PRKCA: variants seen among roughly 807,000 people sequenced by gnomAD.
The protein encoded by PRKCA is protein kinase C alpha.
Under a neutral mutation model 87.0 loss-of-function variants are expected in PRKCA, and 27 were observed. The observed-to-expected ratio is 0.31, with a 90% CI of 0.23 to 0.43. The LOEUF (loss-of-function observed/expected upper bound fraction) is 0.43, where lower values mean the gene tolerates loss of function less well. PRKCA is among the 20% of genes least tolerant of loss of function. The probability of loss-of-function intolerance (pLI) is 1.00; values close to 1 mark genes in which losing one functional copy is unlikely to be tolerated. For synonymous variants in PRKCA, 329 were observed against 311.1 expected (o/e 1.06, Z -0.61); for missense variants, 518 against 852.3 (o/e 0.61, Z 4.88).
At chr17:66,371,206 C>T (rs1045563604) in intron 2 of PRKCA, among the ~76,000 whole-genome samples, 9 of 152,204 alleles carry the variant, frequency 5.9e-5, no homozygotes, top group Non-Finnish European at 1.2e-4. Context: ...TTAGCATCAG[C>T]AGTGCAGCCA....
intron 2 of PRKCA, among the ~76,000 whole-genome samples, chr17:66,432,312 T>C (rs1913141672): frequency 6.6e-6 from 1 of 152,134 alleles, no homozygotes; most frequent in African/African-American, 2.4e-5. Flanking sequence ...CAGAAGCCCG[T>C]GTACTGGTTC....
chr17:66,605,563 G>A (rs1301628229), intron 3 of PRKCA, among the ~76,000 whole-genome samples: 1 of 152,156 alleles, frequency 6.6e-6, no homozygotes, highest in Non-Finnish European at 1.5e-5. Context: ...AAAAGTTAAA[G>A]TTGCCATAAG....
chr17:66,800,355 A>G (rs1317006568), intron 16 of PRKCA, among the ~76,000 whole-genome samples: 1 of 152,150 alleles, frequency 6.6e-6, no homozygotes, highest in Middle Eastern at 3.2e-3. Context: ...AGGCTCCACA[A>G]CTTCCCCTTT....
chr17:66,587,960 T>A (rs1969675206), intron 3 of PRKCA, among the ~76,000 whole-genome samples: 1 of 146,640 alleles, frequency 6.8e-6, no homozygotes, highest in African/African-American at 2.5e-5. Context: ...TGTGAGATTC[T>A]CCTATGTGAG....
intron 5 of PRKCA, among the ~76,000 whole-genome samples, chr17:66,652,725 G>A (rs2143853131): frequency 6.6e-6 from 1 of 152,258 alleles, no homozygotes; most frequent in South Asian, 2.1e-4. Flanking sequence ...CTGAAGCTTT[G>A]TTTCAGTTGA....
chr17:66,456,969 A>G (rs1056694959), intron 2 of PRKCA, among the ~76,000 whole-genome samples: 1 of 152,138 alleles, frequency 6.6e-6, no homozygotes, highest in African/African-American at 2.4e-5. Context: ...TCTTCTGTAC[A>G]TGAATGTCAT....
chr17:66,380,204 A>G (rs1909701329), intron 2 of PRKCA, among the ~76,000 whole-genome samples: 1 of 151,732 alleles, frequency 6.6e-6, no homozygotes, highest in Non-Finnish European at 1.5e-5. Context: ...GGGCTGCTTC[A>G]TAGGGTTTTT....
rs12948759 is a variant in PRKCA, at chr17:66,455,066, C to T, written c.206-41135C>T. 5.1e-3 allele frequency among the ~76,000 whole-genome samples: 775 copies of T among 152,230 alleles called. 6 individuals carry two copies. The highest frequency in any genetic ancestry group is 0.011 in the South Asian group (52 of 4,810). On this transcript the variant is annotated intron_variant, in intron 2 of 16. Coordinates refer to ENST00000413366, the MANE Select transcript of PRKCA (RefSeq NM_002737.3). ...TGGGGATGGAGGGAACTGTGGTCGA[C>T]GCAGCTATAGGTCTGGACTTATTTT... is the stretch of plus-strand genomic sequence containing the variant.
intron 3 of PRKCA, among the ~76,000 whole-genome samples, chr17:66,534,392 G>A (rs2143068683): frequency 6.6e-6 from 1 of 152,252 alleles, no homozygotes; most frequent in South Asian, 2.1e-4. Flanking sequence ...ATTGGGCTGG[G>A]TGTGGTAGCA....
chr17:66,737,663 C>T lies in PRKCA; in HGVS notation c.1231-1101C>T, dbSNP rs573051202. 4.6e-5 allele frequency among the ~76,000 whole-genome samples: 7 copies of T among 152,310 alleles called. 1 individual carries two copies. In the East Asian group the frequency reaches 9.7e-4, roughly 21 times the overall value. On this transcript the variant is annotated intron_variant, in intron 10 of 16. Transcript: ENST00000413366. Reference sequence around the variant, plus strand: ...TAGCAGTGGCCGCGGAGTCAGGCGCCGGCCACTACGTGTCAGCCTAGCGCT... The same window carrying T: ...TAGCAGTGGCCGCGGAGTCAGGCGCTGGCCACTACGTGTCAGCCTAGCGCT...
chr17:66,713,098 C>T (rs1598891213), intron 8 of PRKCA, among the ~76,000 whole-genome samples: 3 of 140,008 alleles, frequency 2.1e-5, no homozygotes, highest in Non-Finnish European at 1.5e-5. Flanking sequence ...GTTGCCCAGG[C>T]TGGAGCGCAA....
chr17:66,376,668 C>G (rs77200360), intron 2 of PRKCA, among the ~76,000 whole-genome samples: 3,900 of 152,038 alleles, frequency 0.026, 84 homozygotes, highest in East Asian at 0.1. Context: ...ACCCCTCCAC[C>G]CCAGCTCTCA....
At chr17:66,735,920 C>CT (rs5821508) in intron 10 of PRKCA, among the ~76,000 whole-genome samples, 2,053 of 122,092 alleles carry the variant, frequency 0.017, 62 homozygotes, top group African/African-American at 0.053. Flanking sequence ...TTCTTTCTTT[C>CT]TTTTTTTTTT....
chr17:66,459,273 C>T (rs1247000595), intron 2 of PRKCA, among the ~76,000 whole-genome samples: 2 of 151,620 alleles, frequency 1.3e-5, no homozygotes, highest in African/African-American at 4.8e-5. Context: ...CCCAGCTACT[C>T]AGGAGGCTGA....
chr17:66,639,724 C>T lies in PRKCA; in HGVS notation c.289-1631C>T, dbSNP rs747027113. Among the ~76,000 whole-genome samples the T allele has an allele frequency of 1.2e-4, 18 of 150,392 alleles. No homozygotes were observed. In the East Asian group the frequency reaches 1.3e-3, roughly 10 times the overall value. ...ATTAATAAACAGAGGAGGCTGGGCG[C>T]GGTGGCGCATGCCTGTAATCCCAGC... On this transcript the variant is annotated intron_variant, in intron 3 of 16. Transcript: ENST00000413366.
At chr17:66,460,598 T>C (rs897082040) in intron 2 of PRKCA, among the ~76,000 whole-genome samples, 2 of 152,204 alleles carry the variant, frequency 1.3e-5, no homozygotes, top group African/African-American at 4.8e-5. Flanking sequence ...TACGTTTTAG[T>C]GGGATAAAAC....
At chr17:66,709,660 A>G (rs1286288224) in intron 8 of PRKCA, among the ~76,000 whole-genome samples, 2 of 151,804 alleles carry the variant, frequency 1.3e-5, no homozygotes, top group African/African-American at 4.8e-5. Flanking sequence ...TTGAGAAAGG[A>G]AAGTTATCCA....
At chr17:66,305,029 G>A (rs866095033) in intron 1 of PRKCA, among the ~76,000 whole-genome samples, 1 of 152,164 alleles carries the variant, frequency 6.6e-6, no homozygotes, top group Non-Finnish European at 1.5e-5. Flanking sequence ...CCCCTGGTGA[G>A]CTGAAGAGGC....
intron 2 of PRKCA, among the ~76,000 whole-genome samples, chr17:66,492,413 CAGAA>C (rs1185744319): frequency 6.6e-6 from 1 of 152,116 alleles, no homozygotes; most frequent in African/African-American, 2.4e-5. Context: ...AAATCATAGA[CAGAA>C]AGAACAGGTA....
Sources: allele counts gnomAD v4.1 joint callset (sites outside exome capture counted in the v4.1 genomes callset), GRCh38; gene constraint gnomAD v4.1.1; transcripts MANE v1.5; gene names NCBI Gene and HGNC (gene_info 2026-07-23, HGNC 2026-07-21).